The following DNAH14 variants were observed in gnomAD, a reference collection of about 807,000 sequenced individuals.
The protein encoded by DNAH14 is axonemal beta dynein heavy chain 14.
A neutral mutation model predicts 520.9 loss-of-function variants in DNAH14; 478 were observed. The observed-to-expected ratio is 0.92, with a 90% CI of 0.85 to 0.99. The LOEUF is 0.99. DNAH14 is among the 50% of genes least tolerant of loss of function. The pLI is 0.00. For missense variants in DNAH14, 4,831 were observed against 5,234.5 expected, an observed-to-expected ratio of 0.92 and a Z score of 2.38; for synonymous variants, 1,581 against 1,757.2, an observed-to-expected ratio of 0.90 and a Z score of 2.51.
At chr1:225,218,535 T>G (rs940825629) in intron 41 of DNAH14, among the ~76,000 whole-genome samples, 1 of 150,422 alleles carries the variant, frequency 6.6e-6, no homozygotes, top group South Asian at 2.1e-4. Context: ...AAACAGACTT[T>G]TAACCAACAA....
intron 1 of DNAH14, among the ~76,000 whole-genome samples, chr1:224,947,532 C>T (rs1558483903): frequency 6.6e-6 from 1 of 152,062 alleles, no homozygotes; most frequent in Non-Finnish European, 1.5e-5. Flanking sequence ...TTTTGATCCT[C>T]TTGATTGAGG....
intron 21 of DNAH14, among the ~76,000 whole-genome samples, chr1:225,092,075 A>G (rs1229604606): frequency 6.6e-6 from 1 of 152,164 alleles, no homozygotes; most frequent in Non-Finnish European, 1.5e-5. Flanking sequence ...TTTATAAAGC[A>G]AGTTCTTAAA....
intron 43 of DNAH14, among the ~76,000 whole-genome samples, chr1:225,251,235 G>A (rs2092538171): frequency 6.6e-6 from 1 of 150,726 alleles, no homozygotes; most frequent in African/African-American, 2.4e-5. Flanking sequence ...GTGCAATAGC[G>A]TGATCTCAGC....
intron 27 of DNAH14, among the ~76,000 whole-genome samples, chr1:225,137,654 T>C (rs1428293799): frequency 6.6e-6 from 1 of 152,074 alleles, no homozygotes; most frequent in Admixed American, 6.5e-5. Flanking sequence ...CTGCCTAGCC[T>C]CTGTTTGTCT....
chr1:225,215,511 A>G (rs1366260861), intron 41 of DNAH14, among the ~76,000 whole-genome samples: 2 of 152,154 alleles, frequency 1.3e-5, no homozygotes, highest in Non-Finnish European at 2.9e-5. Flanking sequence ...GTGGGGTGTT[A>G]AAGTTTCCCA....
At position 225,360,894 on chromosome 1, in the gene DNAH14, A is replaced by T; in HGVS notation, c.11987+3A>T. The T allele has an allele frequency of 1.9e-6, 3 of 1,550,798 alleles. No individual in the cohort carries two copies. Among genetic ancestry groups the T allele is most frequent in the African/African-American group, 2.7e-5 (2 of 73,136 alleles). ...AGGCTTTGCACAATTGTAGAATCGT[A>T]AGAGTTTTACATTTATCTGTAAGGG... is the stretch of plus-strand genomic sequence containing the variant. On this transcript the variant is annotated splice_donor_region_variant and intron_variant, in intron 75 of 85. Transcript: ENST00000682510.
At chr1:225,246,835 T>C (rs537354035) in intron 43 of DNAH14, among the ~76,000 whole-genome samples, 13 of 152,232 alleles carry the variant, frequency 8.5e-5, no homozygotes, top group African/African-American at 2.9e-4. Context: ...TCCTCAAGGA[T>C]CTAGAACCAG....
intron 54 of DNAH14, among the ~76,000 whole-genome samples, chr1:225,286,605 G>C (rs2093750954): frequency 6.6e-6 from 1 of 152,130 alleles, no homozygotes; most frequent in Non-Finnish European, 1.5e-5. Context: ...AGAGCAATAG[G>C]AACTCTCATT....
chr1:225,231,293 C>T, intron 42 of DNAH14, 142 bp downstream of exon 42: 1 of 585,410 alleles, frequency 1.7e-6, no homozygotes, highest in Non-Finnish European at 2.9e-6. Flanking sequence ...TTTATTCCAA[C>T]TTAGAGTTCT....
intron 77 of DNAH14, among the ~76,000 whole-genome samples, chr1:225,369,493 TATATAC>T (rs908498086): frequency 6.6e-6 from 1 of 151,852 alleles, no homozygotes; most frequent in African/African-American, 2.4e-5. Context: ...TATATATATA[TATATAC>T]ACACATGTAT....
Position 224,959,189 on chromosome 1 carries a change from A to G in DNAH14, c.218-964A>G, listed in dbSNP as rs114934036. On this transcript the variant is annotated intron_variant, in intron 3 of 85. Transcript: ENST00000682510. ...GAAAGTTTTCACAACTACCTCACCA[A>G]TCTTTCCACTAATGCCCACATTTTT... is the stretch of plus-strand genomic sequence containing the variant. 4.2e-3 allele frequency among the ~76,000 whole-genome samples: 639 copies of G among 152,184 alleles called. 4 individuals are homozygous for G. Among genetic ancestry groups the G allele is most frequent in the African/African-American group, 0.015 (606 of 41,548 alleles).
intron 56 of DNAH14, 140 bp downstream of exon 56, chr1:225,301,170 A>T (rs1250857638): frequency 1.3e-5 from 11 of 868,136 alleles, no homozygotes; most frequent in Non-Finnish European, 1.9e-5. Flanking sequence ...TGGGTACCCT[A>T]CCTACAGACA....
chr1:225,273,147 T>C, intron 52 of DNAH14, 22 bp downstream of exon 52: 2 of 1,538,140 alleles, frequency 1.3e-6, no homozygotes, highest in South Asian at 2.5e-5. Flanking sequence ...TTTTAAAAAT[T>C]ATTGGCCGGG....
intron 10 of DNAH14, among the ~76,000 whole-genome samples, chr1:225,022,866 G>A (rs1190492418): frequency 1.3e-5 from 2 of 152,152 alleles, no homozygotes; most frequent in East Asian, 1.9e-4. Flanking sequence ...TGGTGGACTG[G>A]ATAAAGAAAA....
At chr1:225,038,532 G>A (rs1322510900) in intron 11 of DNAH14, among the ~76,000 whole-genome samples, 162 bp from the exon 12 acceptor site, 1 of 151,888 alleles carries the variant, frequency 6.6e-6, no homozygotes, top group Non-Finnish European at 1.5e-5. Context: ...CTTTTCTTGT[G>A]CTTATTGTCC....
chr1:225,356,970 A>G (rs73136938), intron 73 of DNAH14, among the ~76,000 whole-genome samples: 1 of 152,128 alleles, frequency 6.6e-6, no homozygotes, highest in Non-Finnish European at 1.5e-5. Flanking sequence ...TGTTGAGTGT[A>G]CATATAGGAA....
chr1:225,079,394 C>T lies in DNAH14; in HGVS notation c.2612C>T (p.Ala871Val). The T allele has an allele frequency of 1.3e-6, 2 of 1,550,616 alleles. No individual in the cohort carries two copies. Among genetic ancestry groups the T allele is most frequent in the Non-Finnish European group, 1.7e-6 (2 of 1,146,706 alleles). ...ATCCATATTTCAGAAGAGCAAATTG[C>T]CATATTCCAAGTTCTTCTTCTTAAG... The part of the protein sequence containing the change: ...HQIHISEEQI[A>V]IFQVLLLKFS... The change falls in exon 18 of 86, where the codon GCC becomes GTC. Residue 871 changes from alanine (A) to valine (V), a missense_variant. Physicochemically the swap from Ala to Val is moderately conservative, Grantham distance 64. Transcript: ENST00000682510.
In DNAH14 at chr1:225,002,775, A is replaced by T; in HGVS notation, c.831-8A>T. The T allele has an allele frequency of 6.5e-7, 1 of 1,547,682 alleles. No homozygotes were observed. The highest frequency in any genetic ancestry group is 8.7e-7 in the Non-Finnish European group (1 of 1,145,248). On this transcript the variant is annotated splice_region_variant and splice_polypyrimidine_tract_variant and intron_variant, in intron 8 of 85. Coordinates refer to ENST00000682510, the MANE Select transcript of DNAH14 (RefSeq NM_001367479.1). ...GAGATATATCTGTAGAAATTTTTTA[A>T]CTTTCAGGTCATTTTTGTACCACCA...
At chr1:225,183,684 C>CA (rs35980443) in intron 36 of DNAH14, among the ~76,000 whole-genome samples, 3,191 of 96,064 alleles carry the variant, frequency 0.033, 85 homozygotes, top group African/African-American at 0.079. Flanking sequence ...GGTAGATTAA[C>CA]AAAAAAAAAA....
Sources: gnomAD v4.1 joint callset for allele counts (sites outside exome capture counted in the v4.1 genomes callset) on GRCh38, gnomAD v4.1.1 for gene constraint, MANE v1.5 for transcripts, NCBI Gene and HGNC (gene_info 2026-07-23, HGNC 2026-07-21) for gene names.